Variants in MAP3K20 observed in about 807,000 individuals in gnomAD.
MAP3K20 encodes HCCS-4.
MAP3K20 carries 40 observed loss-of-function variants against 85.7 expected under a neutral mutation model. The ratio of observed to expected loss-of-function variants is 0.47; its 90% CI spans 0.36 to 0.61. The LOEUF is 0.61. MAP3K20 is among the 20% of genes least tolerant of loss of function. The pLI is 0.00. For missense variants in MAP3K20, 817 were observed against 961.7 expected (o/e 0.85, Z 1.99); for synonymous variants, 325 against 327.7 (o/e 0.99, Z 0.09).
At chr2:173,262,962 T>G (rs1004170976) in intron 18 of MAP3K20, among the ~76,000 whole-genome samples, 1 of 152,210 alleles carries the variant, frequency 6.6e-6, no homozygotes, top group African/African-American at 2.4e-5. Flanking sequence ...CAGTTCTCTT[T>G]TTCTTCTTCT....
At chr2:173,238,295 TTTTG>T (rs1374229043) in intron 14 of MAP3K20, 74 bp from the exon 15 acceptor site, 2 of 1,268,802 alleles carry the variant, frequency 1.6e-6, no homozygotes, top group Non-Finnish European at 2.2e-6. Context: ...TAAGGAATGT[TTTTG>T]TTTGTACCCA....
At chr2:173,201,587 A>G (rs1346726173) in intron 8 of MAP3K20, among the ~76,000 whole-genome samples, 4 of 152,198 alleles carry the variant, frequency 2.6e-5, no homozygotes, top group Non-Finnish European at 4.4e-5. Context: ...GCAAAAATGA[A>G]TATGCTCTTT....
At chr2:173,108,373 C>T (rs553911797) in intron 2 of MAP3K20, among the ~76,000 whole-genome samples, 4 of 152,234 alleles carry the variant, frequency 2.6e-5, no homozygotes, top group African/African-American at 9.6e-5. Context: ...TCAGGTGATC[C>T]GCCCGCCTCG....
chr2:173,238,501 C>A, intron 15 of MAP3K20, 66 bp downstream of exon 15: 1 of 1,441,830 alleles, frequency 6.9e-7, no homozygotes, highest in Non-Finnish European at 9.6e-7. Flanking sequence ...GCTGCATCCA[C>A]ACCTAAATTT....
At position 173,221,304 on chromosome 2, in the gene MAP3K20, T is replaced by C. The variant is rs753267935; in HGVS notation, c.987+4054T>C. On this transcript the variant is annotated intron_variant, in intron 11 of 19. Transcript: ENST00000375213. The stretch of plus-strand genomic sequence containing the variant: ...CCAAGTCTGCAGGCCATGATGCTGA[T>C]GGGCTTTGGGGATATCTTCTCAATG... 9 of 1,613,910 alleles carry C rather than the reference T, an allele frequency of 5.6e-6. No homozygotes were observed. The African/African-American group carries it at 6.7e-5, about 12-fold the overall frequency.
intron 2 of MAP3K20, among the ~76,000 whole-genome samples, chr2:173,133,298 A>T (rs2106202895): frequency 6.6e-6 from 1 of 152,334 alleles, no homozygotes; most frequent in Middle Eastern, 3.4e-3. Context: ...CGTAGAGACG[A>T]TGCACAGTTT....
intron 11 of MAP3K20, chr2:173,222,749 G>A (rs1684285088): frequency 1.0e-6 from 1 of 985,288 alleles, no homozygotes; most frequent in African/African-American, 1.7e-5. Context: ...TACCAGGGTT[G>A]TTTTTTGTTT....
chr2:173,226,699 T>C, intron 11 of MAP3K20: 1 of 985,820 alleles, frequency 1.0e-6, no homozygotes, highest in Non-Finnish European at 1.2e-6. Context: ...AGCACCTACA[T>C]TAATTATTTT....
At chr2:173,188,984 CATT>C (rs1261601859) in intron 5 of MAP3K20, among the ~76,000 whole-genome samples, 6 of 152,120 alleles carry the variant, frequency 3.9e-5, no homozygotes, top group African/African-American at 1.4e-4. Context: ...TCCCTGCTAT[CATT>C]ATGAAGACTA....
At chr2:173,208,397 T>TAA (rs11446256) in intron 9 of MAP3K20, among the ~76,000 whole-genome samples, 22,042 of 144,692 alleles carry the variant, frequency 0.15, 2,136 homozygotes, top group Non-Finnish European at 0.21. Flanking sequence ...GACTCTGTCT[T>TAA]AAAAAAAAAA....
chr2:173,250,099 CAA>C (rs1405869166), intron 16 of MAP3K20, among the ~76,000 whole-genome samples: 1 of 152,170 alleles, frequency 6.6e-6, no homozygotes, highest in Non-Finnish European at 1.5e-5. Context: ...ATTACTGTGT[CAA>C]GTTTTATTTG....
At chr2:173,191,289 G>A in intron 7 of MAP3K20, 112 bp downstream of exon 7, 1 of 1,418,280 alleles carries the variant, frequency 7.1e-7, no homozygotes, top group South Asian at 1.4e-5. Flanking sequence ...CTGTACTGCT[G>A]GTGGAATGCC....
intron 17 of MAP3K20, among the ~76,000 whole-genome samples, chr2:173,260,151 G>A (rs1253399832): frequency 6.6e-6 from 1 of 152,156 alleles, no homozygotes; most frequent in African/African-American, 2.4e-5. Flanking sequence ...CAGATCACTT[G>A]AGGCCAGGAG....
chr2:173,214,662 G>A (rs1299324928), intron 10 of MAP3K20, among the ~76,000 whole-genome samples: 1 of 152,148 alleles, frequency 6.6e-6, no homozygotes, highest in Non-Finnish European at 1.5e-5. Context: ...TCTGAGGAAA[G>A]AAGATAATTA....
intron 9 of MAP3K20, 75 bp downstream of exon 9, chr2:173,203,945 G>A (rs1574106206): frequency 7.2e-7 from 1 of 1,387,400 alleles, no homozygotes; most frequent in Admixed American, 1.7e-5. Flanking sequence ...TTAAAACTTA[G>A]GGTAATAAAA....
chr2:173,205,027 C>G (rs990097764), intron 9 of MAP3K20, among the ~76,000 whole-genome samples: 18 of 148,254 alleles, frequency 1.2e-4, no homozygotes, highest in Non-Finnish European at 2.4e-4. Flanking sequence ...GGCATGAACC[C>G]GGGAGGCGGA....
At chr2:173,204,006 T>C (rs1683580083) in intron 9 of MAP3K20, 136 bp downstream of exon 9, 1 of 746,926 alleles carries the variant, frequency 1.3e-6, no homozygotes, top group Non-Finnish European at 2.2e-6. Context: ...CCAGATTGAC[T>C]GTTAAGGTTT....
chr2:173,167,607 T>G (rs1255040681), intron 2 of MAP3K20, among the ~76,000 whole-genome samples: 1 of 152,144 alleles, frequency 6.6e-6, no homozygotes, highest in African/African-American at 2.4e-5. Flanking sequence ...GCAAAAAATA[T>G]GAGCACAACA....
At chr2:173,256,480 A>AATAG (rs56269594) in intron 16 of MAP3K20, among the ~76,000 whole-genome samples, 26 of 149,372 alleles carry the variant, frequency 1.7e-4, no homozygotes, top group African/African-American at 6.2e-4. Context: ...AATTTAAAAA[A>AATAG]ATAGATAGAT....
Sources: gnomAD v4.1 joint callset for allele counts (sites outside exome capture counted in the v4.1 genomes callset) on GRCh38, gnomAD v4.1.1 for gene constraint, MANE v1.5 for transcripts, NCBI Gene and HGNC (gene_info 2026-07-23, HGNC 2026-07-21) for gene names.